The following PCCA variants were observed in gnomAD, a reference collection of about 807,000 sequenced individuals.
The protein encoded by PCCA is propionyl-CoA carboxylase alpha chain, mitochondrial.
Under a neutral mutation model 101.3 loss-of-function variants are expected in PCCA, and 74 were observed. That is an observed-to-expected ratio of 0.73 (90% CI 0.61 to 0.89). PCCA has a LOEUF of 0.89. Ranked by LOEUF, PCCA falls within the 40% of genes least tolerant of loss-of-function variation. The pLI is 0.00. For synonymous variants in PCCA, 294 were observed against 313.6 expected (o/e 0.94, Z 0.66); for missense variants, 891 against 907.0 (o/e 0.98, Z 0.23).
chr13:100,481,684 G>A (rs1194030090), intron 21 of PCCA, among the ~76,000 whole-genome samples: 1 of 152,128 alleles, frequency 6.6e-6, no homozygotes, highest in East Asian at 1.9e-4. Context: ...CCGAGAGAGA[G>A]GGTTTATGAC....
intron 4 of PCCA, chr13:100,149,172 T>G (rs1594373705): frequency 2.6e-5 from 4 of 151,850 alleles, no homozygotes; most frequent in African/African-American, 9.6e-5. Flanking sequence ...ATTTTTTTTT[T>G]TTTTTTCAGT....
At chr13:100,200,902 A>G (rs902134001) in intron 6 of PCCA, among the ~76,000 whole-genome samples, 1 of 152,126 alleles carries the variant, frequency 6.6e-6, no homozygotes, top group African/African-American at 2.4e-5. Flanking sequence ...ACAATTCAAA[A>G]TTGCAGAACT....
intron 4 of PCCA, among the ~76,000 whole-genome samples, chr13:100,134,073 C>T (rs1047500059): frequency 6.6e-6 from 1 of 152,142 alleles, no homozygotes; most frequent in Admixed American, 6.5e-5. Flanking sequence ...TTGCAGATGG[C>T]CTGTTGTGGT....
chr13:100,494,531 A>G (rs1375850378), intron 21 of PCCA, among the ~76,000 whole-genome samples: 1 of 151,926 alleles, frequency 6.6e-6, no homozygotes, highest in East Asian at 1.9e-4. Context: ...TGAAAATACA[A>G]AATTAGCCAG....
At chr13:100,117,036 T>C (rs2048860075) in intron 4 of PCCA, among the ~76,000 whole-genome samples, 1 of 152,188 alleles carries the variant, frequency 6.6e-6, no homozygotes, top group African/African-American at 2.4e-5. Flanking sequence ...TTCTCCTTCA[T>C]GGTTGTATCA....
intron 12 of PCCA, among the ~76,000 whole-genome samples, chr13:100,281,885 T>C (rs964534964): frequency 6.6e-6 from 1 of 152,248 alleles, no homozygotes; most frequent in African/African-American, 2.4e-5. Context: ...ATATCCACTT[T>C]GCACGTGCAG....
In PCCA at chr13:100,262,449, A is replaced by T. The variant is rs117888540; in HGVS notation, c.717-280A>T. 0.011 allele frequency among the ~76,000 whole-genome samples: 1,697 copies of T among 152,242 alleles called. 16 individuals carry two copies. The highest frequency in any genetic ancestry group is 0.018 in the Non-Finnish European group (1,199 of 68,016). On this transcript the variant is annotated intron_variant, in intron 9 of 23. Coordinates refer to ENST00000376285, the MANE Select transcript of PCCA (RefSeq NM_000282.4). ...GTAAAGTATCGGCATTCCTGTTTCAATGGAAAATCTAGGATCTGAGAAGTT... is the reference window on the plus strand; with the variant it reads ...GTAAAGTATCGGCATTCCTGTTTCATTGGAAAATCTAGGATCTGAGAAGTT...
At chr13:100,268,445 T>A (rs933382569) in intron 10 of PCCA, 1 of 541,560 alleles carries the variant, frequency 1.8e-6, no homozygotes, top group African/African-American at 1.9e-5. Flanking sequence ...TTACTCGTTG[T>A]ATTTGAAAGG....
intron 18 of PCCA, among the ~76,000 whole-genome samples, chr13:100,355,114 C>T (rs771529612): frequency 6.6e-6 from 1 of 151,876 alleles, no homozygotes; most frequent in Non-Finnish European, 1.5e-5. Context: ...ACATCATAAC[C>T]AAATGAGGTT....
At chr13:100,136,183 GTTT>G (rs35796452) in intron 4 of PCCA, among the ~76,000 whole-genome samples, 235 of 102,512 alleles carry the variant, frequency 2.3e-3, no homozygotes, top group African/African-American at 7.8e-3. Context: ...GTATAAAATT[GTTT>G]TTTTTTTTTT....
chr13:100,426,251 T>C (rs2079142076), intron 20 of PCCA, among the ~76,000 whole-genome samples: 1 of 152,100 alleles, frequency 6.6e-6, no homozygotes, highest in African/African-American at 2.4e-5. Context: ...CCAGAGTCGA[T>C]AGAACATTTT....
chr13:100,491,549 G>C (rs2084908945), intron 21 of PCCA: 1 of 533,016 alleles, frequency 1.9e-6, no homozygotes. Flanking sequence ...AGAAAGTACT[G>C]ACTCACTGCA....
At chr13:100,354,462 A>T (rs966172477) in intron 18 of PCCA, among the ~76,000 whole-genome samples, 69 of 152,114 alleles carry the variant, frequency 4.5e-4, no homozygotes, top group African/African-American at 1.6e-3. Context: ...GGAAACATGG[A>T]AAAATAGAGC....
At chr13:100,206,638 A>G (rs992039619) in intron 6 of PCCA, among the ~76,000 whole-genome samples, 14 of 152,062 alleles carry the variant, frequency 9.2e-5, no homozygotes, top group African/African-American at 2.7e-4. Context: ...TTGGTGCTTT[A>G]TATTATTATT....
chr13:100,241,647 T>G (rs866503125), intron 8 of PCCA, among the ~76,000 whole-genome samples: 1 of 152,092 alleles, frequency 6.6e-6, no homozygotes, highest in Admixed American at 6.6e-5. Flanking sequence ...TTGTATTTTT[T>G]TGTAGTGGGT....
intron 6 of PCCA, among the ~76,000 whole-genome samples, chr13:100,203,231 G>A (rs35481117): frequency 0.15 from 21,227 of 145,452 alleles, 1,630 homozygotes; most frequent in Middle Eastern, 0.25. Context: ...CTGAGGTCGC[G>A]CCACTGCACT....
At chr13:100,520,727 TAAA>T (rs941449147) in intron 22 of PCCA, among the ~76,000 whole-genome samples, 2 of 149,702 alleles carry the variant, frequency 1.3e-5, no homozygotes, top group East Asian at 3.9e-4. Context: ...GATGAGGAGG[TAAA>T]AAAATATCTA....
rs1408363535 is a variant in PCCA at position 100,334,773 on chromosome 13, A to G, written c.1540+4102A>G. On this transcript the variant is annotated intron_variant, in intron 17 of 23. Coordinates refer to ENST00000376285, the MANE Select transcript of PCCA (RefSeq NM_000282.4). ...AATCATGTGGAAAATGATGAGAGAT[A>G]TGGAGGGAAGATCCAAAAGATTTTA... Among the ~76,000 whole-genome samples the G allele has an allele frequency of 3.3e-5, 5 of 152,200 alleles. No individual in the cohort carries two copies. In the South Asian group the frequency reaches 6.2e-4, roughly 19 times the overall value.
In PCCA at chr13:100,125,135, T is replaced by TTGTGTGTGTGTGTGTG. The variant is rs3034643; in HGVS notation, c.300+13086_300+13101dup. Among the ~76,000 whole-genome samples the TTGTGTGTGTGTGTGTG allele has an allele frequency of 2.6e-3, 394 of 149,220 alleles. 3 individuals are homozygous for TTGTGTGTGTGTGTGTG. Among genetic ancestry groups the TTGTGTGTGTGTGTGTG allele is most frequent in the African/African-American group, 9.1e-3 (367 of 40,326 alleles). On this transcript the variant is annotated intron_variant, in intron 4 of 23. Transcript: ENST00000376285. ...TGAAAAGTATCAGGTGACCTTTTAT[T>TTGTGTGTGTGTGTGTG]TGTGTGTGTGTGTGTGTGTGTGTGT... is the stretch of plus-strand genomic sequence containing the variant.
Sources: allele counts gnomAD v4.1 joint callset (sites outside exome capture counted in the v4.1 genomes callset), GRCh38; gene constraint gnomAD v4.1.1; transcripts MANE v1.5; gene names NCBI Gene and HGNC (gene_info 2026-07-23, HGNC 2026-07-21).